Variants in KIF13A observed in about 807,000 individuals in gnomAD.
KIF13A encodes the protein kinesin-like protein KIF13A.
In KIF13A, 79 loss-of-function variants were observed where a neutral mutation model predicts 212.2. The observed-to-expected ratio is 0.37, with a 90% confidence interval of 0.31 to 0.45. The LOEUF (loss-of-function observed/expected upper bound fraction) is 0.45. Ranked by LOEUF, KIF13A falls within the 20% of genes least tolerant of loss-of-function variation. The pLI is 1.00. For missense variants in KIF13A, 1,901 were observed against 2,209.0 expected, an observed-to-expected ratio of 0.86 and a Z score of 2.79; for synonymous variants, 789 against 808.6, an observed-to-expected ratio of 0.98 and a Z score of 0.41.
chr6:17,817,133 C>T lies in KIF13A; in HGVS notation c.1887G>A (p.Glu629=). The T allele has an allele frequency of 6.2e-7, 1 of 1,614,050 alleles. No homozygotes were observed. The highest frequency in any genetic ancestry group is 1.3e-5 in the African/African-American group (1 of 75,062). The stretch of plus-strand genomic sequence containing the variant: ...CGGGGGAGAGCTGCTGGCGGAGTTG[C>T]TCCAGTTCCCGCTCATACATGAGCC... The part of the protein sequence containing the change: ...EQRLMYEREL[E]QLRQQLSPDR... The change falls in exon 17 of 39, where the codon GAG becomes GAA. Residue 629 remains glutamate, a synonymous_variant. Coordinates refer to ENST00000259711, the MANE Select transcript of KIF13A (RefSeq NM_022113.6).
In KIF13A at chr6:17,967,753, T is replaced by C. The variant is rs1659504757; in HGVS notation, c.146+19301A>G. On this transcript the variant is annotated intron_variant, in intron 2 of 38. Coordinates refer to ENST00000259711, the MANE Select transcript of KIF13A (RefSeq NM_022113.6). This position sits in a 1 kb window ranked among gnomAD's most constrained non-coding sequence, Gnocchi z 4.1. ...TGAGCCATCTGCCTTCCTGCTCTGATTTCTGAACCAAGAAGGCTCAACCAT... is the reference window on the plus strand; with the variant it reads ...TGAGCCATCTGCCTTCCTGCTCTGACTTCTGAACCAAGAAGGCTCAACCAT... 6.6e-6 allele frequency among the ~76,000 whole-genome samples: 1 copy of C among 152,178 alleles called. No individual in the cohort carries two copies. Among genetic ancestry groups the C allele is most frequent in the Non-Finnish European group, 1.5e-5 (1 of 68,026 alleles).
intron 2 of KIF13A, among the ~76,000 whole-genome samples, chr6:17,903,718 T>C (rs1773249779): frequency 3.9e-5 from 6 of 152,086 alleles, no homozygotes; most frequent in Admixed American, 3.9e-4. Flanking sequence ...CAGGCAGGGA[T>C]GTGGGCCATT....
intron 6 of KIF13A, among the ~76,000 whole-genome samples, chr6:17,854,905 G>C (rs562661788): frequency 2.6e-5 from 4 of 152,082 alleles, no homozygotes; most frequent in Admixed American, 2.6e-4. Flanking sequence ...CTATGAATCA[G>C]ATAAATATAT....
chr6:17,925,328 T>G (rs1445164377), intron 2 of KIF13A, among the ~76,000 whole-genome samples: 1 of 152,136 alleles, frequency 6.6e-6, no homozygotes, highest in Non-Finnish European at 1.5e-5. Context: ...GGAGGAAGAA[T>G]AGGGTTGCCT....
At chr6:17,960,220 G>A (rs1198150341) in intron 2 of KIF13A, among the ~76,000 whole-genome samples, 1 of 152,022 alleles carries the variant, frequency 6.6e-6, no homozygotes, top group East Asian at 1.9e-4. Context: ...ATGAGTCAAA[G>A]GGAAAATCAC....
chr6:17,878,966 T>C (rs1770814007), intron 3 of KIF13A, among the ~76,000 whole-genome samples: 1 of 152,238 alleles, frequency 6.6e-6, no homozygotes, highest in African/African-American at 2.4e-5. Flanking sequence ...CATTTTAGAA[T>C]GGTGATACCT....
rs1761372451 is a variant in KIF13A at position 17,789,711 on chromosome 6, A to C, written c.3261+161T>G. ...AACTGACAAGGCATCTATAGAAATAATATTGTGTTTGAATACATATAAAGC... is the reference window on the plus strand; with the variant it reads ...AACTGACAAGGCATCTATAGAAATACTATTGTGTTTGAATACATATAAAGC... On this transcript the variant is annotated intron_variant, in intron 26 of 38. Coordinates refer to ENST00000259711, the MANE Select transcript of KIF13A (RefSeq NM_022113.6). This position sits in a 1 kb window ranked among gnomAD's most constrained non-coding sequence, Gnocchi z 4.8. Among the ~76,000 whole-genome samples, 1 of 152,196 alleles carries C rather than the reference A, an allele frequency of 6.6e-6. No homozygotes were observed. The highest frequency in any genetic ancestry group is 2.1e-4 in the South Asian group (1 of 4,834).
rs1189480010 is a variant in KIF13A at position 17,776,175 on chromosome 6, ATCT to A, written c.4170+1099_4170+1101del. Reference sequence around the variant, plus strand: ...TTATAAGCGTGAGCCACCGTGCCCGATCTTCTTTACTTTTTAAGCTAGATGTTT... The same window carrying A: ...TTATAAGCGTGAGCCACCGTGCCCGATCTTTACTTTTTAAGCTAGATGTTT... On this transcript the variant is annotated intron_variant, in intron 34 of 38. Coordinates refer to ENST00000259711, the MANE Select transcript of KIF13A (RefSeq NM_022113.6). The surrounding 1 kb of genome is among the most constrained non-coding windows in gnomAD (Gnocchi z 4.6). 2.0e-5 allele frequency among the ~76,000 whole-genome samples: 3 copies of A among 151,880 alleles called. No individual in the cohort carries two copies. Among genetic ancestry groups the A allele is most frequent in the Non-Finnish European group, 4.4e-5 (3 of 67,950 alleles).
At position 17,786,172 on chromosome 6, in the gene KIF13A, T is replaced by C. The variant is rs1761037958; in HGVS notation, c.3362-531A>G. 1.3e-5 allele frequency among the ~76,000 whole-genome samples: 2 copies of C among 152,174 alleles called. No homozygotes were observed. Among genetic ancestry groups the C allele is most frequent in the South Asian group, 2.1e-4 (1 of 4,832 alleles). On this transcript the variant is annotated intron_variant, in intron 27 of 38. Coordinates refer to ENST00000259711, the MANE Select transcript of KIF13A (RefSeq NM_022113.6). This position sits in a 1 kb window ranked among gnomAD's most constrained non-coding sequence, Gnocchi z 5.4. ...TAATTTGGGGAAGTTATCCAACAGA[T>C]GAGTCTCCTTAACCTGTCAAACAGG...
Position 17,800,110 on chromosome 6 carries a change from C to T in KIF13A, c.2458G>A (p.Ala820Thr). 1.9e-6 allele frequency: 3 copies of T among 1,613,158 alleles called. No homozygotes were observed. In the South Asian group the frequency reaches 3.3e-5, roughly 18 times the overall value. The change falls in exon 21 of 39, where the codon GCA becomes ACA. Residue 820 changes from alanine (A) to threonine (T), a missense_variant. This residue lies in a region of KIF13A where 534 missense variants were observed against 536.9 expected (regional missense o/e 0.99). Coordinates refer to ENST00000259711, the MANE Select transcript of KIF13A (RefSeq NM_022113.6). Reference protein sequence around the residue: ...VPIISQQGEVAGRLHVEVMRV... With the variant: ...VPIISQQGEVTGRLHVEVMRV... ...ATCACTTCCACGTGGAGACGCCCTG[C>T]AACCTGGGTCAAGGAACCAGAGCAC...
chr6:17,900,843 C>T lies in KIF13A; in HGVS notation c.147-2663G>A, dbSNP rs1209156255. 6.6e-6 allele frequency among the ~76,000 whole-genome samples: 1 copy of T among 152,118 alleles called. No homozygotes were observed. The highest frequency in any genetic ancestry group is 1.9e-4 in the East Asian group (1 of 5,176). ...CCTGTAATCCCAGCACTTTGGGAGG[C>T]TGAGGCAGGCGGATCACAAGTTCAG... On this transcript the variant is annotated intron_variant, in intron 2 of 38. Coordinates refer to ENST00000259711, the MANE Select transcript of KIF13A (RefSeq NM_022113.6). This position sits in a 1 kb window ranked among gnomAD's most constrained non-coding sequence, Gnocchi z 4.6.
intron 16 of KIF13A, among the ~76,000 whole-genome samples, chr6:17,824,138 C>T (rs1464431581): frequency 1.3e-5 from 2 of 151,804 alleles, no homozygotes; most frequent in South Asian, 4.2e-4. Context: ...AAACTCCTGA[C>T]CTCAGGTGAT....
chr6:17,922,185 A>ACCTGATCACTTGAGCT (rs1775134847), intron 2 of KIF13A, among the ~76,000 whole-genome samples: 1 of 152,188 alleles, frequency 6.6e-6, no homozygotes. Flanking sequence ...TCAACAGCTA[A>ACCTGATCACTTGAGCT]CAGCCCCTGC....
In KIF13A at chr6:17,785,494, C is replaced by T. The variant is rs759196718; in HGVS notation, c.3488+21G>A. The T allele has an allele frequency of 6.5e-7, 1 of 1,534,596 alleles. No homozygotes were observed. Among genetic ancestry groups the T allele is most frequent in the Non-Finnish European group, 8.7e-7 (1 of 1,144,546 alleles). ...CCTGTACCATCTCCCCAGGTCTGCA[C>T]AGAAGGGAGGGCAGCCTTACCAGTC... On this transcript the variant is annotated intron_variant, in intron 28 of 38. Transcript: ENST00000259711. This position sits in a 1 kb window ranked among gnomAD's most constrained non-coding sequence, Gnocchi z 5.8.
rs1759982370 is a variant in KIF13A, at chr6:17,776,366, A to T, written c.4170+911T>A. Among the ~76,000 whole-genome samples the T allele has an allele frequency of 6.6e-6, 1 of 152,220 alleles. No homozygotes were observed. The highest frequency in any genetic ancestry group is 2.4e-5 in the African/African-American group (1 of 41,456). ...AGGTACCACTTTAGCTGCATTGCACAAACACTGATCTATGTATCATTTTTA... is the reference window on the plus strand; with the variant it reads ...AGGTACCACTTTAGCTGCATTGCACTAACACTGATCTATGTATCATTTTTA... On this transcript the variant is annotated intron_variant, in intron 34 of 38. Coordinates refer to ENST00000259711, the MANE Select transcript of KIF13A (RefSeq NM_022113.6). The surrounding 1 kb of genome is among the most constrained non-coding windows in gnomAD (Gnocchi z 4.6).
chr6:17,901,009 C>T (rs1202977692), intron 2 of KIF13A, among the ~76,000 whole-genome samples: 11 of 138,852 alleles, frequency 7.9e-5, no homozygotes, highest in Non-Finnish European at 1.5e-4. Context: ...ACCCAGGAGG[C>T]GGAGCTTGCA....
At chr6:17,916,834 T>C (rs983216201) in intron 2 of KIF13A, among the ~76,000 whole-genome samples, 3 of 152,216 alleles carry the variant, frequency 2.0e-5, no homozygotes, top group African/African-American at 7.2e-5. Context: ...CTCCTATTAA[T>C]ATAACCCTGA....
chr6:17,804,639 T>C, intron 19 of KIF13A, 129 bp from the exon 20 acceptor site: 1 of 955,618 alleles, frequency 1.0e-6, no homozygotes, highest in Middle Eastern at 3.5e-4. Flanking sequence ...AGTAAAATTA[T>C]AATGTCACAT....
intron 12 of KIF13A, among the ~76,000 whole-genome samples, chr6:17,833,406 G>C (rs920062035): frequency 6.7e-6 from 1 of 149,304 alleles, no homozygotes; most frequent in Admixed American, 6.8e-5. Flanking sequence ...TGAGGGAGGA[G>C]AATCACTTGA....
Sources: allele counts gnomAD v4.1 joint callset (sites outside exome capture counted in the v4.1 genomes callset), GRCh38; gene constraint gnomAD v4.1.1; regional missense constraint gnomAD v4.1.1; non-coding constraint Gnocchi (gnomAD v3.1); transcripts MANE v1.5; gene names NCBI Gene and HGNC (gene_info 2026-07-23, HGNC 2026-07-21).